The following SLCO6A1 variants were observed in gnomAD, a reference collection of about 807,000 sequenced individuals.
SLCO6A1 encodes solute carrier organic anion transporter family member 6A1.
Under a neutral mutation model 72.7 loss-of-function variants are expected in SLCO6A1, and 65 were observed. The ratio of observed to expected loss-of-function variants is 0.89; its 90% CI spans 0.73 to 1.10. SLCO6A1 has a LOEUF of 1.10. Among genes scored for constraint, SLCO6A1 ranks in the 50% least tolerant of loss-of-function variants. SLCO6A1 has a pLI of 0.00. For synonymous variants in SLCO6A1, 314 were observed against 298.2 expected (o/e 1.05, Z -0.55); for missense variants, 874 against 872.6 (o/e 1.00, Z -0.02).
Position 102,419,841 on chromosome 5 carries a change from T to C in SLCO6A1, c.1457A>G (p.Asn486Ser), listed in dbSNP as rs776555689. The change falls in exon 8 of 14, where the codon AAT becomes AGT. Residue 486 changes from asparagine (N) to serine (S), a missense_variant. Transcript: ENST00000506729. ...CTACATTTACCCATCATAATCTTCATTGATCCCAGCAAATTGCACTGGATT... is the reference window on the plus strand; with the variant it reads ...CTACATTTACCCATCATAATCTTCACTGATCCCAGCAAATTGCACTGGATT... ...RCNPVQFAGI[N>S]EDYDGTGKLG... 31 of 1,598,558 alleles carry C rather than the reference T, an allele frequency of 1.9e-5. No homozygotes were observed. Among genetic ancestry groups the C allele is most frequent in the Admixed American group, 1.1e-4 (6 of 55,458 alleles).
intron 8 of SLCO6A1, 141 bp from the exon 9 acceptor site, chr5:102,413,284 C>T: frequency 1.4e-6 from 1 of 714,708 alleles, no homozygotes; most frequent in Non-Finnish European, 2.2e-6. Flanking sequence ...GTCTGAGGTA[C>T]AATAGACTGC....
chr5:102,441,349 G>A (rs2112689146), intron 6 of SLCO6A1, among the ~76,000 whole-genome samples: 1 of 152,196 alleles, frequency 6.6e-6, no homozygotes, highest in South Asian at 2.1e-4. Context: ...TCTTTTCAGT[G>A]ACTCTTTTAT....
rs78254492 is a variant in SLCO6A1, at chr5:102,393,801, G to A, written c.1815-2756C>T. On this transcript the variant is annotated intron_variant, in intron 10 of 13. Coordinates refer to ENST00000506729, the MANE Select transcript of SLCO6A1 (RefSeq NM_173488.5). ...GGAGACATAAATATGTTAAAATAAC[G>A]AAGACAGAAGGGAAAATGTTGAAGA... is the stretch of plus-strand genomic sequence containing the variant. Among the ~76,000 whole-genome samples the A allele has an allele frequency of 1.5e-4, 23 of 152,166 alleles. No homozygotes were observed. In the East Asian group the frequency reaches 4.2e-3, roughly 28 times the overall value.
chr5:102,435,925 G>C (rs941116595), intron 7 of SLCO6A1, among the ~76,000 whole-genome samples: 2 of 151,856 alleles, frequency 1.3e-5, no homozygotes, highest in African/African-American at 4.8e-5. Flanking sequence ...GTTTATAGTG[G>C]ATTGATTATT....
intron 6 of SLCO6A1, among the ~76,000 whole-genome samples, chr5:102,444,996 A>G (rs1470297292): frequency 1.3e-4 from 20 of 152,138 alleles, no homozygotes; most frequent in Admixed American, 1.3e-3. Flanking sequence ...GGTGGATTCC[A>G]TGTATTTGCT....
At chr5:102,492,078 T>A (rs531263424) in intron 1 of SLCO6A1, among the ~76,000 whole-genome samples, 82 of 152,148 alleles carry the variant, frequency 5.4e-4, no homozygotes, top group African/African-American at 1.6e-3. Context: ...CAACCAGATC[T>A]CTTGAGAACT....
intron 4 of SLCO6A1, among the ~76,000 whole-genome samples, chr5:102,461,552 T>C (rs1297654607): frequency 6.6e-6 from 1 of 152,142 alleles, no homozygotes; most frequent in Non-Finnish European, 1.5e-5. Context: ...TATTGTAATA[T>C]TGGCATGGGA....
At chr5:102,464,389 A>G (rs1751208349) in intron 4 of SLCO6A1, among the ~76,000 whole-genome samples, 1 of 152,194 alleles carries the variant, frequency 6.6e-6, no homozygotes, top group Non-Finnish European at 1.5e-5. Flanking sequence ...GAATTTTTAT[A>G]AATCTATAAG....
At chr5:102,402,124 T>C (rs1372057838) in intron 9 of SLCO6A1, among the ~76,000 whole-genome samples, 1 of 151,916 alleles carries the variant, frequency 6.6e-6, no homozygotes, top group Non-Finnish European at 1.5e-5. Context: ...AGCAGAATAA[T>C]TGAAATTGAG....
chr5:102,424,007 T>C (rs973566660), intron 7 of SLCO6A1, among the ~76,000 whole-genome samples: 7 of 152,032 alleles, frequency 4.6e-5, no homozygotes, highest in Non-Finnish European at 1.0e-4. Flanking sequence ...ACTGAACAAC[T>C]TGCTACTGAA....
intron 9 of SLCO6A1, among the ~76,000 whole-genome samples, chr5:102,410,617 C>G (rs2112580819): frequency 6.6e-6 from 1 of 152,256 alleles, no homozygotes. Flanking sequence ...TTAACCTCAA[C>G]AAGTGGTAGA....
At chr5:102,470,074 G>A (rs181218070) in intron 4 of SLCO6A1, among the ~76,000 whole-genome samples, 2 of 152,096 alleles carry the variant, frequency 1.3e-5, no homozygotes. Context: ...TTTTATTGAG[G>A]ATTTTCGCAT....
chr5:102,414,383 A>G (rs911164664), intron 8 of SLCO6A1, among the ~76,000 whole-genome samples: 3 of 152,210 alleles, frequency 2.0e-5, no homozygotes, highest in African/African-American at 4.8e-5. Context: ...TCCTAGCCAG[A>G]GCAACCAGGA....
rs538761864 is a variant in SLCO6A1 at position 102,425,229 on chromosome 5, G to A, written c.1277-5208C>T. Among the ~76,000 whole-genome samples, 31 of 152,116 alleles carry A rather than the reference G, an allele frequency of 2.0e-4. No individual in the cohort carries two copies. The South Asian group carries it at 4.1e-3, about 20-fold the overall frequency. On this transcript the variant is annotated intron_variant, in intron 7 of 13. Coordinates refer to ENST00000506729, the MANE Select transcript of SLCO6A1 (RefSeq NM_173488.5). ...TGGCACAAGACAAGGATGCCCTCTC[G>A]CACCACTCCTATGCAACATAGTATT...
At chr5:102,467,603 G>A (rs1025318625) in intron 4 of SLCO6A1, among the ~76,000 whole-genome samples, 1 of 152,062 alleles carries the variant, frequency 6.6e-6, no homozygotes, top group Non-Finnish European at 1.5e-5. Flanking sequence ...TTGAAGGTGA[G>A]ATTTGTGTAG....
intron 1 of SLCO6A1, among the ~76,000 whole-genome samples, chr5:102,496,998 T>A (rs1240759866): frequency 6.6e-6 from 1 of 152,218 alleles, no homozygotes; most frequent in Non-Finnish European, 1.5e-5. Flanking sequence ...CAAGACAAAC[T>A]CGATGACAAT....
intron 4 of SLCO6A1, among the ~76,000 whole-genome samples, chr5:102,460,807 G>T (rs1336444756): frequency 1.3e-5 from 2 of 151,084 alleles, no homozygotes; most frequent in Admixed American, 6.6e-5. Context: ...TTCACTGATG[G>T]GACAGCTCTT....
chr5:102,388,396 G>A (rs1169500314), intron 12 of SLCO6A1, among the ~76,000 whole-genome samples: 3 of 151,894 alleles, frequency 2.0e-5, no homozygotes, highest in African/African-American at 7.3e-5. Flanking sequence ...CACCCAGGCT[G>A]GGACAATGAT....
At chr5:102,420,584 A>T (rs1049829570) in intron 7 of SLCO6A1, among the ~76,000 whole-genome samples, 8 of 150,796 alleles carry the variant, frequency 5.3e-5, no homozygotes, top group Non-Finnish European at 1.0e-4. Flanking sequence ...GAGAAAAAGG[A>T]GGGGGAGGAG....
Sources: allele counts gnomAD v4.1 joint callset (sites outside exome capture counted in the v4.1 genomes callset), GRCh38; gene constraint gnomAD v4.1.1; transcripts MANE v1.5; gene names NCBI Gene and HGNC (gene_info 2026-07-23, HGNC 2026-07-21).